SLC16A9: variants seen among roughly 807,000 people sequenced by gnomAD.
SLC16A9 encodes solute carrier family 16 member 9, also known as monocarboxylate transporter 9.
Under a neutral mutation model 44.3 loss-of-function variants are expected in SLC16A9, and 26 were observed. That is an observed-to-expected ratio of 0.59 (90% CI 0.43 to 0.81). SLC16A9 has a LOEUF of 0.81. Among genes scored for constraint, SLC16A9 ranks in the 40% least tolerant of loss-of-function variants. The pLI is 0.00. For missense variants in SLC16A9, 559 were observed against 595.8 expected, an observed-to-expected ratio of 0.94 and a Z score of 0.64; for synonymous variants, 230 against 225.1, an observed-to-expected ratio of 1.02 and a Z score of -0.19.
chr10:59,707,390 T>G (rs1185706670), intron 1 of SLC16A9, among the ~76,000 whole-genome samples: 2 of 150,718 alleles, frequency 1.3e-5, no homozygotes, highest in Non-Finnish European at 3.0e-5. Context: ...ATTGTTGAAC[T>G]CAGAGAATAG....
At chr10:59,702,700 C>T (rs9651300) in intron 1 of SLC16A9, among the ~76,000 whole-genome samples, 42,772 of 152,208 alleles carry the variant, frequency 0.28, 7,109 homozygotes, top group Middle Eastern at 0.4. Context: ...TAAAAACACA[C>T]TTGTATTAAA....
intron 3 of SLC16A9, among the ~76,000 whole-genome samples, chr10:59,668,166 G>A (rs191051182): frequency 7.2e-5 from 11 of 151,880 alleles, no homozygotes; most frequent in African/African-American, 2.4e-4. Context: ...TTGTCATATA[G>A]TTCTCATCAT....
At position 59,654,382 on chromosome 10, in the gene SLC16A9, T is replaced by C; in HGVS notation, c.644A>G (p.Asn215Ser). 2 of 1,613,928 alleles carry C rather than the reference T, an allele frequency of 1.2e-6. No homozygotes were observed. Among genetic ancestry groups the C allele is most frequent in the Non-Finnish European group, 8.5e-7 (1 of 1,180,024 alleles). Residue 215 changes from asparagine (N) to serine (S), a missense_variant, in exon 5 of 6, where the codon AAT becomes AGT. Coordinates refer to ENST00000395348, the MANE Select transcript of SLC16A9 (RefSeq NM_194298.3). ...TTCTTCCAGATTCTTTCCTTTTTCA[T>C]TGTAAATGGAGTATTTATCTGGTAG... ...EDLPDKYSIY[N>S]EKGKNLEENI...
At chr10:59,694,133 G>A (rs559862591) in intron 1 of SLC16A9, among the ~76,000 whole-genome samples, 2 of 151,482 alleles carry the variant, frequency 1.3e-5, no homozygotes, top group South Asian at 4.2e-4. Flanking sequence ...TAGAGACGGG[G>A]TTTCACCGTG....
intron 5 of SLC16A9, among the ~76,000 whole-genome samples, chr10:59,653,425 C>CAAAAAAAAAAAACAA (rs1839259907): frequency 2.7e-5 from 1 of 36,764 alleles, no homozygotes; most frequent in Non-Finnish European, 6.7e-5. Flanking sequence ...AACTCCGTCT[C>CAAAAAAAAAAAACAA]AAAAAAAAAA....
At chr10:59,680,045 A>T (rs1486184053) in intron 2 of SLC16A9, among the ~76,000 whole-genome samples, 1 of 151,968 alleles carries the variant, frequency 6.6e-6, no homozygotes, top group East Asian at 1.9e-4. Context: ...AGAAACATGG[A>T]TGGTGTTTTC....
chr10:59,664,151 T>A, intron 4 of SLC16A9, 76 bp downstream of exon 4: 2 of 966,810 alleles, frequency 2.1e-6, no homozygotes, highest in Non-Finnish European at 3.1e-6. Flanking sequence ...TGGTTAAACA[T>A]GTCTGTGCTT....
At chr10:59,697,715 C>T (rs1351647206) in intron 1 of SLC16A9, among the ~76,000 whole-genome samples, 7 of 144,270 alleles carry the variant, frequency 4.9e-5, no homozygotes, top group African/African-American at 7.7e-5. Flanking sequence ...CGAGAAACAC[C>T]CAAGAATGAT....
intron 1 of SLC16A9, among the ~76,000 whole-genome samples, chr10:59,699,682 G>A (rs1840478114): frequency 6.7e-6 from 1 of 149,274 alleles, no homozygotes; most frequent in Non-Finnish European, 1.5e-5. Context: ...TCAATATGAA[G>A]TATCACTCTT....
intron 2 of SLC16A9, among the ~76,000 whole-genome samples, chr10:59,678,546 C>CTTTTTTTT (rs751112027): frequency 1.3e-4 from 4 of 30,616 alleles, no homozygotes; most frequent in African/African-American, 2.7e-4. Context: ...TTTTCTTTTT[C>CTTTTTTTT]TTTTTTTTGA....
At chr10:59,681,704 ATATG>A (rs1840013240) in intron 2 of SLC16A9, among the ~76,000 whole-genome samples, 1 of 35,374 alleles carries the variant, frequency 2.8e-5, no homozygotes, top group African/African-American at 9.7e-5. Flanking sequence ...ATATATATGT[ATATG>A]TATATGTATA....
intron 2 of SLC16A9, among the ~76,000 whole-genome samples, chr10:59,681,810 GTA>G (rs55997635): frequency 0.051 from 263 of 5,116 alleles, 32 homozygotes; most frequent in East Asian, 0.35. Context: ...ATATGTATAT[GTA>G]TATATGATGT....
intron 1 of SLC16A9, among the ~76,000 whole-genome samples, chr10:59,689,504 A>T (rs757014008): frequency 2.6e-5 from 4 of 152,170 alleles, no homozygotes; most frequent in African/African-American, 4.8e-5. Flanking sequence ...TCTTGATTGA[A>T]ATGCCTGAAT....
chr10:59,656,418 C>A (rs1054253644), intron 4 of SLC16A9, among the ~76,000 whole-genome samples: 14 of 152,320 alleles, frequency 9.2e-5, no homozygotes, highest in African/African-American at 3.4e-4. Flanking sequence ...AAACAACTTT[C>A]CTATTCTTGC....
intron 1 of SLC16A9, among the ~76,000 whole-genome samples, chr10:59,695,283 T>A (rs971476357): frequency 1.3e-5 from 2 of 152,144 alleles, no homozygotes; most frequent in African/African-American, 4.8e-5. Flanking sequence ...CATCAAGGAA[T>A]TATACACTTT....
At chr10:59,668,038 C>G (rs2132439023) in intron 3 of SLC16A9, among the ~76,000 whole-genome samples, 1 of 152,122 alleles carries the variant, frequency 6.6e-6, no homozygotes. Context: ...CTCACTCTCT[C>G]TCTGCACTAA....
At chr10:59,688,213 CA>C (rs1372856106) in intron 1 of SLC16A9, among the ~76,000 whole-genome samples, 4 of 152,138 alleles carry the variant, frequency 2.6e-5, no homozygotes, top group African/African-American at 9.7e-5. Flanking sequence ...TCTCTGAAGA[CA>C]GTAGGAATAT....
chr10:59,680,760 C>T (rs887656287), intron 2 of SLC16A9, among the ~76,000 whole-genome samples: 1 of 151,986 alleles, frequency 6.6e-6, no homozygotes, highest in Non-Finnish European at 1.5e-5. Flanking sequence ...GCAGGAGAAT[C>T]CCTTGAGCCC....
chr10:59,656,440 A>T (rs545559232), intron 4 of SLC16A9, among the ~76,000 whole-genome samples: 2 of 152,252 alleles, frequency 1.3e-5, no homozygotes, highest in Non-Finnish European at 2.9e-5. Context: ...AACCAAGTTT[A>T]TCTGTCAACA....
Sources: gnomAD v4.1 joint callset for allele counts (sites outside exome capture counted in the v4.1 genomes callset) on GRCh38, gnomAD v4.1.1 for gene constraint, MANE v1.5 for transcripts, NCBI Gene and HGNC (gene_info 2026-07-23, HGNC 2026-07-21) for gene names.